Variants in KCNU1 observed in about 807,000 individuals in gnomAD.
KCNU1 encodes potassium calcium-activated channel subfamily U member 1.
A neutral mutation model predicts 126.8 loss-of-function variants in KCNU1; 93 were observed. That is an observed-to-expected ratio of 0.73 (90% CI 0.62 to 0.87). The LOEUF (loss-of-function observed/expected upper bound fraction) is 0.87. KCNU1 is among the 40% of genes least tolerant of loss of function. KCNU1 has a pLI of 0.00. For synonymous variants in KCNU1, 523 were observed against 494.2 expected (o/e 1.06, Z -0.77); for missense variants, 1,330 against 1,367.1 (o/e 0.97, Z 0.43).
chr8:36,930,779 T>C (rs949211530), intron 24 of KCNU1, among the ~76,000 whole-genome samples, 172 bp from the exon 25 acceptor site: 21 of 152,228 alleles, frequency 1.4e-4, no homozygotes, highest in East Asian at 5.8e-4. Context: ...CCTGGCACAG[T>C]ACCCAAACTG....
chr8:36,815,511 C>T (rs1803875516), intron 8 of KCNU1, 85 bp from the exon 9 acceptor site: 1 of 640,164 alleles, frequency 1.6e-6, no homozygotes, highest in Non-Finnish European at 2.7e-6. Context: ...TTTATGTACC[C>T]TCCTTTTCCT....
intron 10 of KCNU1, among the ~76,000 whole-genome samples, chr8:36,829,305 A>G (rs903770123): frequency 1.3e-5 from 2 of 151,968 alleles, no homozygotes; most frequent in African/African-American, 4.8e-5. Flanking sequence ...TTTCTATTAT[A>G]TTAAAGCACT....
At chr8:36,917,919 C>G (rs1808180679) in intron 22 of KCNU1, among the ~76,000 whole-genome samples, 1 of 152,132 alleles carries the variant, frequency 6.6e-6, no homozygotes, top group African/African-American at 2.4e-5. Context: ...ACCCCACAGC[C>G]TTCCATATGG....
chr8:36,824,922 A>G (rs933729942), intron 10 of KCNU1, among the ~76,000 whole-genome samples: 6 of 152,168 alleles, frequency 3.9e-5, no homozygotes, highest in Admixed American at 2.0e-4. Flanking sequence ...TACTTTGGCT[A>G]TTATAAAGAA....
intron 21 of KCNU1, among the ~76,000 whole-genome samples, 182 bp from the exon 22 acceptor site, chr8:36,910,748 A>G (rs1585551687): frequency 1.3e-5 from 2 of 152,152 alleles, no homozygotes; most frequent in African/African-American, 4.8e-5. Context: ...TCACACTAAA[A>G]TATTAATGTT....
chr8:36,795,340 A>G (rs997220508), intron 2 of KCNU1: 2 of 152,504 alleles, frequency 1.3e-5, no homozygotes, highest in African/African-American at 4.8e-5. Flanking sequence ...GATTGCAGAT[A>G]CCCAGCAGCT....
chr8:36,872,944 C>T (rs1216893756), intron 19 of KCNU1, among the ~76,000 whole-genome samples: 1 of 151,924 alleles, frequency 6.6e-6, no homozygotes. Flanking sequence ...ATGGTGAAAC[C>T]CCGTCACGCC....
chr8:36,820,087 T>C (rs549718526), intron 10 of KCNU1, among the ~76,000 whole-genome samples: 1 of 152,282 alleles, frequency 6.6e-6, no homozygotes, highest in African/African-American at 2.4e-5. Context: ...AACAGTCATG[T>C]GTATAGCCAC....
chr8:36,892,307 T>G (rs1170894667), intron 19 of KCNU1, among the ~76,000 whole-genome samples: 2 of 152,122 alleles, frequency 1.3e-5, no homozygotes, highest in Non-Finnish European at 2.9e-5. Flanking sequence ...TTTCCATTTG[T>G]TTTTTTCTTA....
rs751956044 is a variant in KCNU1, at chr8:36,931,057, C to T, written c.2843C>T (p.Ala948Val). ...HLDKDKVYGV[A>V]DSCTSLLSGR... The stretch of plus-strand genomic sequence containing the variant: ...GATAAGGATAAAGTCTATGGTGTGG[C>T]AGATAGCTGCACGTCGCTCTTGTCT... The change falls in exon 25 of 27, where the codon GCA becomes GTA. Residue 948 changes from alanine to valine, a missense_variant. Ala to Val is a moderately conservative substitution (Grantham distance 64). Around this residue, in one of 3 missense-constraint regions of KCNU1, gnomAD observed 1,054 missense variants for 1,053.9 expected, o/e 1.00. Coordinates refer to ENST00000399881, the MANE Select transcript of KCNU1 (RefSeq NM_001031836.3). 6.2e-7 allele frequency: 1 copy of T among 1,611,764 alleles called. No individual in the cohort carries two copies. Among genetic ancestry groups the T allele is most frequent in the Non-Finnish European group, 8.5e-7 (1 of 1,178,740 alleles).
intron 18 of KCNU1, among the ~76,000 whole-genome samples, chr8:36,850,734 G>A (rs533216407): frequency 6.6e-6 from 1 of 152,312 alleles, no homozygotes; most frequent in South Asian, 2.1e-4. Flanking sequence ...TGGGATTACA[G>A]GCATGAGCCG....
chr8:36,864,364 A>C, intron 18 of KCNU1, 40 bp from the exon 19 acceptor site: 19 of 1,183,948 alleles, frequency 1.6e-5, no homozygotes, highest in African/African-American at 3.0e-5. Flanking sequence ...TCCCTTGTGA[A>C]GAGATGTGCC....
intron 19 of KCNU1, among the ~76,000 whole-genome samples, chr8:36,905,460 CA>C (rs200274541): frequency 0.019 from 2,764 of 145,214 alleles, 82 homozygotes; most frequent in African/African-American, 0.062. Flanking sequence ...TAATCTAAGG[CA>C]AAAAAAAAAA....
rs1025811649 is a variant in KCNU1, at chr8:36,844,574, C to T, written c.1704-1006C>T. Among the ~76,000 whole-genome samples the T allele has an allele frequency of 2.0e-5, 3 of 152,152 alleles. 1 individual carries two copies. Among genetic ancestry groups the T allele is most frequent in the Admixed American group, 2.0e-4 (3 of 15,276 alleles). On this transcript the variant is annotated intron_variant, in intron 16 of 26. Transcript: ENST00000399881. ...ATCCATTGTCTGAGGTAGTAATCTA[C>T]CTGAACACAGCTATATAGCCTGGGT... is the stretch of plus-strand genomic sequence containing the variant.
At chr8:36,839,799 A>C (rs1183089383) in intron 14 of KCNU1, among the ~76,000 whole-genome samples, 4 of 152,174 alleles carry the variant, frequency 2.6e-5, no homozygotes, top group Non-Finnish European at 5.9e-5. Flanking sequence ...GTAGGTGGAG[A>C]AGGATGAGGA....
chr8:36,911,345 T>C (rs984576016), intron 22 of KCNU1, among the ~76,000 whole-genome samples: 9 of 152,178 alleles, frequency 5.9e-5, no homozygotes, highest in African/African-American at 2.2e-4. Context: ...TGGAATGCAC[T>C]TAACGCAGTT....
chr8:36,922,521 G>A lies in KCNU1; in HGVS notation c.2628G>A (p.Gln876=). ...KNPSNIHFIE[Q]LGGLEGSLQE... The stretch of plus-strand genomic sequence containing the variant: ...CTTCCAACATTCACTTTATTGAACA[G>A]CTTGGTGGACTGGAAGGGTCCCTCC... Residue 876 remains glutamine, a synonymous_variant, in exon 24 of 27, where the codon CAG becomes CAA. Coordinates refer to ENST00000399881, the MANE Select transcript of KCNU1 (RefSeq NM_001031836.3). The A allele has an allele frequency of 6.2e-7, 1 of 1,613,418 alleles. No individual in the cohort carries two copies. The highest frequency in any genetic ancestry group is 8.5e-7 in the Non-Finnish European group (1 of 1,179,636).
intron 25 of KCNU1, among the ~76,000 whole-genome samples, 158 bp from the exon 26 acceptor site, chr8:36,932,762 C>T (rs1177956413): frequency 6.6e-6 from 1 of 152,072 alleles, no homozygotes; most frequent in African/African-American, 2.4e-5. Context: ...TAATCATACT[C>T]TTAATTACCT....
At chr8:36,884,157 T>C (rs897714050) in intron 19 of KCNU1, among the ~76,000 whole-genome samples, 1 of 151,964 alleles carries the variant, frequency 6.6e-6, no homozygotes, top group Non-Finnish European at 1.5e-5. Context: ...ATGGAGTGAG[T>C]TCTGATAGAA....
Sources: allele counts gnomAD v4.1 joint callset (sites outside exome capture counted in the v4.1 genomes callset), GRCh38; gene constraint gnomAD v4.1.1; regional missense constraint gnomAD v4.1.1; transcripts MANE v1.5; gene names NCBI Gene and HGNC (gene_info 2026-07-23, HGNC 2026-07-21).